GUCY1A1: variants seen among roughly 807,000 people sequenced by gnomAD.
The protein encoded by GUCY1A1 is guanylate cyclase soluble subunit alpha-1.
In GUCY1A1, 48 loss-of-function variants were observed where a neutral mutation model predicts 64.5. The ratio of observed to expected loss-of-function variants is 0.74; its 90% CI spans 0.59 to 0.95. The LOEUF (loss-of-function observed/expected upper bound fraction) is 0.95. Ranked by LOEUF, GUCY1A1 falls within the 40% of genes least tolerant of loss-of-function variation. The pLI is 0.00. For missense variants in GUCY1A1, 804 were observed against 825.3 expected (o/e 0.97, Z 0.32); for synonymous variants, 308 against 303.4 (o/e 1.02, Z -0.16).
At chr4:155,720,859 C>T (rs1214231083) in intron 8 of GUCY1A1, among the ~76,000 whole-genome samples, 1 of 152,060 alleles carries the variant, frequency 6.6e-6, no homozygotes, top group Admixed American at 6.5e-5. Flanking sequence ...ATGGTATCAT[C>T]ATCATTTAAA....
chr4:155,672,610 T>C (rs1734298000), intron 2 of GUCY1A1, among the ~76,000 whole-genome samples: 1 of 152,220 alleles, frequency 6.6e-6, no homozygotes, highest in South Asian at 2.1e-4. Context: ...TAGGTTCCTG[T>C]GACCTCTCCT....
In GUCY1A1 at chr4:155,708,229, T is replaced by C. The variant is rs1164713231; in HGVS notation, c.318-7T>C. The stretch of plus-strand genomic sequence containing the variant: ...GTTTATAACTTAAAATATTGAAATA[T>C]TTCCAGGAAATCTTTGGAAAGAGAA... On this transcript the variant is annotated splice_region_variant and splice_polypyrimidine_tract_variant and intron_variant, in intron 4 of 9. Transcript: ENST00000506455. The C allele has an allele frequency of 1.5e-6, 2 of 1,366,546 alleles. No individual in the cohort carries two copies. The allele number at this position is 1,366,546 out of a possible 1,614,324, so 84.7% of individuals were successfully genotyped here. A position where few individuals can be genotyped will look rare whatever the true frequency, so the allele number is the denominator to read the frequency against.
chr4:155,725,409 A>T (rs1734524085), intron 9 of GUCY1A1, among the ~76,000 whole-genome samples: 1 of 152,008 alleles, frequency 6.6e-6, no homozygotes, highest in Non-Finnish European at 1.5e-5. Flanking sequence ...AGATAATATG[A>T]TTCTACTCTC....
chr4:155,706,209 A>T (rs1185543452), intron 4 of GUCY1A1, among the ~76,000 whole-genome samples: 2 of 152,220 alleles, frequency 1.3e-5, no homozygotes, highest in African/African-American at 4.8e-5. Flanking sequence ...ATCTGATTAT[A>T]CTTTTAAATT....
chr4:155,716,539 A>G (rs1733254490), intron 7 of GUCY1A1, among the ~76,000 whole-genome samples: 1 of 152,182 alleles, frequency 6.6e-6, no homozygotes, highest in Non-Finnish European at 1.5e-5. Context: ...GTGGTCTTTC[A>G]AACACCACCG....
chr4:155,691,315 A>C (rs536903144), intron 2 of GUCY1A1, among the ~76,000 whole-genome samples: 1 of 152,316 alleles, frequency 6.6e-6, no homozygotes, highest in South Asian at 2.1e-4. Flanking sequence ...GGACATGCTC[A>C]CCAATTTTTC....
chr4:155,730,395 C>G lies in GUCY1A1; in HGVS notation c.*164C>G, dbSNP rs1735402297. 1.3e-5 allele frequency: 6 copies of G among 468,410 alleles called. No homozygotes were observed. The highest frequency in any genetic ancestry group is 3.8e-6 in the Non-Finnish European group (1 of 265,198). The allele number at this position is 468,410 out of a possible 1,614,324, so 29.0% of individuals were successfully genotyped here. On this transcript the variant is annotated 3_prime_UTR_variant, in exon 10 of 10. Coordinates refer to ENST00000506455, the MANE Select transcript of GUCY1A1 (RefSeq NM_001130682.3). ...TTTAACATGACAAAATGTATGTACT[C>G]ACTTCAGTACTTCAGCTCTTCAAGA... is the stretch of plus-strand genomic sequence containing the variant.
intron 2 of GUCY1A1, among the ~76,000 whole-genome samples, chr4:155,688,737 T>C (rs142319960): frequency 7.4e-4 from 113 of 151,896 alleles, no homozygotes; most frequent in African/African-American, 2.5e-3. Flanking sequence ...AGGGAAAAAA[T>C]GTGTTTGAGT....
rs777417529 is a variant in GUCY1A1 at position 155,711,173 on chromosome 4, C to T, written c.1008C>T (p.Ser336=). 4 of 1,613,492 alleles carry T rather than the reference C, an allele frequency of 2.5e-6. No homozygotes were observed. In the African/African-American group the frequency reaches 4.0e-5, roughly 16 times the overall value. The change falls in exon 6 of 10, where the codon AGC becomes AGT. Residue 336 remains serine (S), a synonymous_variant. Coordinates refer to ENST00000506455, the MANE Select transcript of GUCY1A1 (RefSeq NM_001130682.3). ...ILTPKINQTF[S]GIMTMLNMQF... is the part of the protein sequence containing the mutation. ...CTCCAAAAATCAACCAGACGTTTAG[C>T]GGGATCATGACTATGTTGAATATGC...
At chr4:155,677,279 C>T (rs968907675) in intron 2 of GUCY1A1, among the ~76,000 whole-genome samples, 7 of 152,060 alleles carry the variant, frequency 4.6e-5, no homozygotes, top group Non-Finnish European at 1.0e-4. Context: ...GGAATGGATC[C>T]TTTACTCATA....
At chr4:155,717,714 C>T (rs1362627030) in intron 8 of GUCY1A1, among the ~76,000 whole-genome samples, 1 of 152,106 alleles carries the variant, frequency 6.6e-6, no homozygotes, top group African/African-American at 2.4e-5. Context: ...TTCAAAACCA[C>T]ATCTACTATA....
In GUCY1A1 at chr4:155,717,239, G is replaced by C. The variant is rs1733371161; in HGVS notation, c.1653G>C (p.Leu551=). The C allele has an allele frequency of 6.3e-7, 1 of 1,599,848 alleles. No homozygotes were observed. ...ATACTCATGCTGTTCAGATAGCGCT[G>C]ATGGCCCTGAAGATGATGGAGCTCT... The part of the protein sequence containing the change: ...ESDTHAVQIA[L]MALKMMELSD... The change falls in exon 8 of 10, where the codon CTG becomes CTC. Residue 551 remains leucine, a synonymous_variant. Coordinates refer to ENST00000506455, the MANE Select transcript of GUCY1A1 (RefSeq NM_001130682.3).
At chr4:155,715,250 A>T (rs974056773) in intron 7 of GUCY1A1, among the ~76,000 whole-genome samples, 2 of 152,182 alleles carry the variant, frequency 1.3e-5, no homozygotes, top group Non-Finnish European at 2.9e-5. Context: ...TTTCAGATAC[A>T]CAAAATGTAT....
chr4:155,683,329 A>G (rs576326946), intron 2 of GUCY1A1, among the ~76,000 whole-genome samples: 20 of 152,374 alleles, frequency 1.3e-4, no homozygotes, highest in African/African-American at 4.8e-4. Context: ...GTGTCTTCAC[A>G]TACAAAGAAT....
intron 2 of GUCY1A1, among the ~76,000 whole-genome samples, chr4:155,689,299 T>C (rs1384540038): frequency 1.3e-5 from 2 of 152,098 alleles, no homozygotes; most frequent in Non-Finnish European, 2.9e-5. Flanking sequence ...GCAATGTAAC[T>C]ATGATGAGAA....
intron 7 of GUCY1A1, among the ~76,000 whole-genome samples, chr4:155,716,134 A>G (rs899771652): frequency 6.6e-5 from 10 of 152,176 alleles, no homozygotes; most frequent in Admixed American, 1.3e-4. Context: ...TGACATTGGA[A>G]CTAAGTGAGC....
chr4:155,700,860 C>T lies in GUCY1A1; in HGVS notation c.256-3072C>T, dbSNP rs75632312. Among the ~76,000 whole-genome samples, 1,247 of 152,188 alleles carry T rather than the reference C, an allele frequency of 8.2e-3. 9 individuals carry two copies. The highest frequency in any genetic ancestry group is 0.015 in the Non-Finnish European group (987 of 68,002). On this transcript the variant is annotated intron_variant, in intron 3 of 9. Transcript: ENST00000506455. Reference sequence around the variant, plus strand: ...CTACACAATGTTTACATATATTGAACTGTAAGGAATGAATTTGGAAGGAAA... The same window carrying T: ...CTACACAATGTTTACATATATTGAATTGTAAGGAATGAATTTGGAAGGAAA...
chr4:155,708,918 GT>G (rs149419977), intron 5 of GUCY1A1, among the ~76,000 whole-genome samples: 20,407 of 152,044 alleles, frequency 0.13, 1,472 homozygotes, highest in South Asian at 0.21. Context: ...AAGAAAAAAT[GT>G]GGTACTCAGA....
intron 2 of GUCY1A1, among the ~76,000 whole-genome samples, chr4:155,688,267 A>G (rs1729279246): frequency 6.6e-6 from 1 of 151,938 alleles, no homozygotes; most frequent in Admixed American, 6.6e-5. Context: ...TCATCATTAC[A>G]GAAGAGGGAA....
Sources: gnomAD v4.1 joint callset for allele counts (sites outside exome capture counted in the v4.1 genomes callset) on GRCh38, gnomAD v4.1.1 for gene constraint, MANE v1.5 for transcripts, NCBI Gene and HGNC (gene_info 2026-07-23, HGNC 2026-07-21) for gene names.